Variants in GCSAM observed in about 807,000 individuals in gnomAD.
The protein encoded by GCSAM is germinal center-associated signaling and motility protein.
GCSAM carries 8 observed loss-of-function variants against 17.6 expected under a neutral mutation model. The ratio of observed to expected loss-of-function variants is 0.46; its 90% CI spans 0.27 to 0.82. GCSAM has a LOEUF of 0.82. GCSAM is among the 40% of genes least tolerant of loss of function. The probability of loss-of-function intolerance (pLI) is 0.15; values close to 1 mark genes in which losing one functional copy is unlikely to be tolerated. For synonymous variants in GCSAM, 68 were observed against 69.0 expected (o/e 0.98, Z 0.07); for missense variants, 192 against 213.5 (o/e 0.90, Z 0.63).
chr3:112,126,675 C>T (rs1471510670), intron 4 of GCSAM, among the ~76,000 whole-genome samples: 3 of 152,164 alleles, frequency 2.0e-5, no homozygotes, highest in Non-Finnish European at 4.4e-5. Context: ...CTCCCCTATC[C>T]CAGGCTGGCT....
chr3:112,125,317 G>C, intron 4 of GCSAM, 63 bp from the exon 5 acceptor site: 1 of 1,127,358 alleles, frequency 8.9e-7, no homozygotes, highest in South Asian at 1.2e-5. Context: ...GGAAGAGCAG[G>C]GGAGGCTAGA....
At chr3:112,127,836 C>CTA (rs2074364175) in intron 3 of GCSAM, among the ~76,000 whole-genome samples, 181 bp downstream of exon 3, 1 of 152,132 alleles carries the variant, frequency 6.6e-6, no homozygotes, top group Non-Finnish European at 1.5e-5. Context: ...ACCCATGAGA[C>CTA]TATTGTTCCT....
intron 4 of GCSAM, among the ~76,000 whole-genome samples, chr3:112,125,462 GA>G (rs1009276801): frequency 2.6e-5 from 4 of 152,206 alleles, no homozygotes; most frequent in African/African-American, 7.2e-5. Flanking sequence ...TGAGAGGTGA[GA>G]GGGGGGAGAC....
Position 112,123,259 on chromosome 3 carries a change from A to G in GCSAM, c.*196T>C. 4 of 986,008 alleles carry G rather than the reference A, an allele frequency of 4.1e-6. No individual in the cohort carries two copies. Among genetic ancestry groups the G allele is most frequent in the Middle Eastern group, 3.3e-4 (1 of 3,024 alleles). The allele number at this position is 986,008 out of a possible 1,614,324, so 61.1% of individuals were successfully genotyped here. A position where few individuals can be genotyped will look rare whatever the true frequency, so the allele number is the denominator to read the frequency against. The stretch of plus-strand genomic sequence containing the variant: ...ACCTCTTTCTCAAATGGTGTTGTTC[A>G]GGATAAATGGTTGATCTTTAGATTT... On this transcript the variant is annotated 3_prime_UTR_variant, in exon 6 of 6. Coordinates refer to ENST00000308910, the MANE Select transcript of GCSAM (RefSeq NM_152785.5).
chr3:112,132,633 T>C (rs1182590353), intron 1 of GCSAM: 1 of 986,750 alleles, frequency 1.0e-6, no homozygotes, highest in Admixed American at 6.1e-5. Context: ...TGACCTCTGC[T>C]TACCTGCTTG....
chr3:112,126,858 T>C, intron 4 of GCSAM, 129 bp downstream of exon 4: 1 of 716,888 alleles, frequency 1.4e-6, no homozygotes, highest in Non-Finnish European at 2.5e-6. Context: ...TGCAATTGGA[T>C]ACAGTAAAGC....
chr3:112,123,344 T>A lies in GCSAM; in HGVS notation c.*111A>T. On this transcript the variant is annotated 3_prime_UTR_variant, in exon 6 of 6. Coordinates refer to ENST00000308910, the MANE Select transcript of GCSAM (RefSeq NM_152785.5). ...AAACCATGCTCTGCAGGGAAAGGGT[T>A]GTTGTGGGAGATAAGCTGGAGGGAC... The A allele has an allele frequency of 1.3e-6, 2 of 1,517,492 alleles. No homozygotes were observed. Among genetic ancestry groups the A allele is most frequent in the Non-Finnish European group, 1.8e-6 (2 of 1,136,718 alleles). 94.0% of individuals were successfully genotyped at this position (1,517,492 alleles called of 1,614,324 possible).
intron 5 of GCSAM, among the ~76,000 whole-genome samples, chr3:112,124,687 A>C (rs950653615): frequency 1.3e-5 from 2 of 152,144 alleles, no homozygotes. Flanking sequence ...TACCCTCTAG[A>C]GATATTTATG....
intron 1 of GCSAM, chr3:112,130,762 A>C: frequency 1.9e-6 from 1 of 521,108 alleles, no homozygotes; most frequent in South Asian, 2.1e-5. Flanking sequence ...AGTGATCCTA[A>C]ATCATCTGAT....
At position 112,133,022 on chromosome 3, in the gene GCSAM, T is replaced by A. The variant is rs1037482661; in HGVS notation, c.29+70A>T. 14 of 1,516,334 alleles carry A rather than the reference T, an allele frequency of 9.2e-6. No individual in the cohort carries two copies. In the Admixed American group the frequency reaches 1.0e-4, roughly 11 times the overall value. 93.9% of individuals were successfully genotyped at this position (1,516,334 alleles called of 1,614,324 possible). On this transcript the variant is annotated intron_variant, in intron 1 of 5. Coordinates refer to ENST00000308910, the MANE Select transcript of GCSAM (RefSeq NM_152785.5). ...TAGTGTGCTAACTGTATACTAGCTT[T>A]CTTTTTCTCTTCCTTGCTGTATTGT...
intron 2 of GCSAM, 25 bp downstream of exon 2, chr3:112,130,420 G>C (rs964442030): frequency 2.5e-6 from 4 of 1,594,792 alleles, no homozygotes; most frequent in Non-Finnish European, 2.6e-6. Flanking sequence ...AGGTCTGGGG[G>C]GTGTTTGGTT....
In GCSAM at chr3:112,132,679, A is replaced by C. The variant is rs2074485696; in HGVS notation, c.29+413T>G. 7.1e-6 allele frequency: 7 copies of C among 987,524 alleles called. No individual in the cohort carries two copies. In the South Asian group the frequency reaches 2.8e-4, roughly 40 times the overall value. 61.2% of individuals were successfully genotyped at this position (987,524 alleles called of 1,614,324 possible). A position where few individuals can be genotyped will look rare whatever the true frequency, so the allele number is the denominator to read the frequency against. On this transcript the variant is annotated intron_variant, in intron 1 of 5. Coordinates refer to ENST00000308910, the MANE Select transcript of GCSAM (RefSeq NM_152785.5). The stretch of plus-strand genomic sequence containing the variant: ...ACATCAAAGGAAGACTCAAGGTGGC[A>C]GGAAGCTTGCTGTTTATTTCAAACT...
intron 4 of GCSAM, among the ~76,000 whole-genome samples, chr3:112,125,465 G>T (rs113517749): frequency 6.4e-4 from 97 of 152,274 alleles, no homozygotes; most frequent in Non-Finnish European, 1.0e-3. Context: ...GAGGTGAGAG[G>T]GGGGAGACAC....
In GCSAM at chr3:112,133,169, C is replaced by G; in HGVS notation, c.-49G>C. On this transcript the variant is annotated 5_prime_UTR_variant, in exon 1 of 6. Transcript: ENST00000308910. ...CCCTCCGTCCCTTTACCACTTCCTT[C>G]TTGCCTTGTGCTCTGACAGGGCAAC... 1.9e-6 allele frequency: 3 copies of G among 1,607,336 alleles called. No individual in the cohort carries two copies. Among genetic ancestry groups the G allele is most frequent in the East Asian group, 2.2e-5 (1 of 44,842 alleles).
In GCSAM at chr3:112,123,112, A is replaced by C; in HGVS notation, c.*343T>G. 1 of 273,040 alleles carries C rather than the reference A, an allele frequency of 3.7e-6. No individual in the cohort carries two copies. Among genetic ancestry groups the C allele is most frequent in the African/African-American group, 2.2e-5 (1 of 45,458 alleles). 16.9% of individuals were successfully genotyped at this position (273,040 alleles called of 1,614,324 possible). A position where few individuals can be genotyped will look rare whatever the true frequency, so the allele number is the denominator to read the frequency against. ...GTGACTTTAGAGAATGATCATGGGAACACTTTATAAGAAGATCCCAGACAG... is the reference window on the plus strand; with the variant it reads ...GTGACTTTAGAGAATGATCATGGGACCACTTTATAAGAAGATCCCAGACAG... On this transcript the variant is annotated 3_prime_UTR_variant, in exon 6 of 6. Transcript: ENST00000308910.
At chr3:112,127,284 T>C (rs2074348376) in intron 3 of GCSAM, among the ~76,000 whole-genome samples, 1 of 152,222 alleles carries the variant, frequency 6.6e-6, no homozygotes, top group Non-Finnish European at 1.5e-5. Context: ...AATTGATTTA[T>C]AGATGGGGAA....
At chr3:112,130,554 A>C (rs754712860) in intron 1 of GCSAM, 41 bp from the exon 2 acceptor site, 1 of 1,544,388 alleles carries the variant, frequency 6.5e-7, no homozygotes, top group South Asian at 1.1e-5. Flanking sequence ...GTATTTCCTA[A>C]ACAGGCCTGT....
At position 112,121,144 on chromosome 3, in the gene GCSAM, C is replaced by T. The variant is rs1186361682; in HGVS notation, c.*2311G>A. 1 of 152,144 alleles carries T rather than the reference C, an allele frequency of 6.6e-6. No homozygotes were observed. The highest frequency in any genetic ancestry group is 1.5e-5 in the Non-Finnish European group (1 of 68,032). The allele number at this position is 152,144 out of a possible 1,614,324, so 9.4% of individuals were successfully genotyped here. A position where few individuals can be genotyped will look rare whatever the true frequency, so the allele number is the denominator to read the frequency against. On this transcript the variant is annotated 3_prime_UTR_variant, in exon 6 of 6. Transcript: ENST00000308910. ...TATTTAATGTGTCCCTGATAAAAGG[C>T]ATATACTGTTTGGGACAGATAATGC...
At chr3:112,130,177 C>T in intron 2 of GCSAM, 1 of 432,090 alleles carries the variant, frequency 2.3e-6, no homozygotes, top group Non-Finnish European at 4.2e-6. Context: ...GAAATAAGAC[C>T]TTTTATTTTA....
Sources: allele counts gnomAD v4.1 joint callset (sites outside exome capture counted in the v4.1 genomes callset), GRCh38; gene constraint gnomAD v4.1.1; transcripts MANE v1.5; gene names NCBI Gene and HGNC (gene_info 2026-07-23, HGNC 2026-07-21).